GPR176: variants seen among roughly 807,000 people sequenced by gnomAD.
GPR176 encodes G-protein coupled receptor 176.
In GPR176, 26 loss-of-function variants were observed where a neutral mutation model predicts 35.4. The observed-to-expected ratio is 0.74, with a 90% CI of 0.54 to 1.02. The LOEUF (loss-of-function observed/expected upper bound fraction) is 1.02. Ranked by LOEUF, GPR176 falls within the 50% of genes least tolerant of loss-of-function variation. The pLI is 0.00. For synonymous variants in GPR176, 278 were observed against 271.3 expected, an observed-to-expected ratio of 1.02 and a Z score of -0.24; for missense variants, 597 against 665.3, an observed-to-expected ratio of 0.90 and a Z score of 1.13.
At chr15:39,819,333 G>A (rs750843315) in intron 1 of GPR176, among the ~76,000 whole-genome samples, 1 of 152,116 alleles carries the variant, frequency 6.6e-6, no homozygotes, top group Non-Finnish European at 1.5e-5. Context: ...GGCTTCATGG[G>A]TTATTTCTCC....
rs79088776 is a variant in GPR176, at chr15:39,805,772, C to A, written c.425+1234G>T. On this transcript the variant is annotated intron_variant, in intron 2 of 2. Transcript: ENST00000561100. ...AGAAGGGAAGCCTGAGAAAGAGAGG[C>A]AAATATTGGTGCAGCCCATCCTAAC... Among the ~76,000 whole-genome samples the A allele has an allele frequency of 4.3e-4, 65 of 152,282 alleles. No homozygotes were observed. In the East Asian group the frequency reaches 8.9e-3, roughly 21 times the overall value.
At chr15:39,880,381 G>C (rs150254728) in intron 1 of GPR176, among the ~76,000 whole-genome samples, 2 of 152,172 alleles carry the variant, frequency 1.3e-5, no homozygotes, top group East Asian at 3.9e-4. Context: ...TTTATTTACT[G>C]TCTGCTGTCT....
At chr15:39,913,499 C>A (rs1907564) in intron 1 of GPR176, among the ~76,000 whole-genome samples, 25 of 150,968 alleles carry the variant, frequency 1.7e-4, no homozygotes, top group African/African-American at 6.1e-4. Context: ...GAACTGAGAT[C>A]GCACCACTGT....
rs1226278854 is a variant in GPR176 at position 39,799,458 on chromosome 15, G to A, written c.*1674C>T. ...TGAGGAGACCAACACAAAGAGGAAG[G>A]TGCTTCCTCTCCAGGGGTAGGGTCT... is the stretch of plus-strand genomic sequence containing the variant. On this transcript the variant is annotated 3_prime_UTR_variant, in exon 3 of 3. Transcript: ENST00000561100. 6.6e-6 allele frequency: 1 copy of A among 152,236 alleles called. No individual in the cohort carries two copies. The highest frequency in any genetic ancestry group is 1.5e-5 in the Non-Finnish European group (1 of 68,064). 9.4% of individuals were successfully genotyped at this position (152,236 alleles called of 1,614,324 possible).
At chr15:39,880,430 AG>A (rs1207000799) in intron 1 of GPR176, among the ~76,000 whole-genome samples, 1 of 152,182 alleles carries the variant, frequency 6.6e-6, no homozygotes, top group Non-Finnish European at 1.5e-5. Flanking sequence ...GCTTGTTAAA[AG>A]GTCCACTCTA....
Position 39,812,024 on chromosome 15 carries a change from TG to T in GPR176, c.173-4767del, listed in dbSNP as rs1899601541. ...TTTTATAATTCCATTTTATCTCCAC[TG>T]TTGGCTGATTATTTATACTTCTTTT... On this transcript the variant is annotated intron_variant, in intron 1 of 2. Coordinates refer to ENST00000561100, the MANE Select transcript of GPR176 (RefSeq NM_007223.3). 2.0e-5 allele frequency among the ~76,000 whole-genome samples: 3 copies of T among 152,252 alleles called. No homozygotes were observed. In the South Asian group the frequency reaches 6.2e-4, roughly 31 times the overall value.
At chr15:39,862,344 T>C (rs1007229115) in intron 1 of GPR176, 2 of 152,234 alleles carry the variant, frequency 1.3e-5, no homozygotes, top group Non-Finnish European at 2.9e-5. Context: ...AAATAAGTGA[T>C]GATAGTCTCC....
rs775495049 is a variant in GPR176 at position 39,802,143 on chromosome 15, T to G, written c.537A>C (p.Ala179=). The G allele has an allele frequency of 6.2e-7, 1 of 1,614,176 alleles. No individual in the cohort carries two copies. ...HAVVASVPVF[A]VTNVADIYAT... The stretch of plus-strand genomic sequence containing the variant: ...CATAGATGTCAGCCACATTGGTTAC[T>G]GCAAACACAGGGACACTGGCCACCA... The change falls in exon 3 of 3, where the codon GCA becomes GCC. Residue 179 remains alanine (A), a synonymous_variant. Transcript: ENST00000561100.
At chr15:39,864,875 A>G (rs2031762999) in intron 1 of GPR176, among the ~76,000 whole-genome samples, 1 of 151,984 alleles carries the variant, frequency 6.6e-6, no homozygotes, top group African/African-American at 2.4e-5. Context: ...AAAGTGACCA[A>G]AAAGCATGAA....
chr15:39,891,299 AT>A (rs2032862529), intron 1 of GPR176, among the ~76,000 whole-genome samples: 2 of 152,216 alleles, frequency 1.3e-5, no homozygotes, highest in South Asian at 4.1e-4. Context: ...ATACTACTCA[AT>A]TCCAAAGGGC....
chr15:39,873,241 T>C (rs2032115019), intron 1 of GPR176, among the ~76,000 whole-genome samples: 1 of 152,170 alleles, frequency 6.6e-6, no homozygotes, highest in African/African-American at 2.4e-5. Context: ...TAAGCAGCTC[T>C]CCCAAAGTCA....
intron 1 of GPR176, among the ~76,000 whole-genome samples, chr15:39,820,894 G>A (rs771969734): frequency 2.0e-5 from 3 of 152,152 alleles, no homozygotes; most frequent in African/African-American, 4.8e-5. Flanking sequence ...CATGCTAAGC[G>A]CTATTTTGTA....
intron 1 of GPR176, among the ~76,000 whole-genome samples, chr15:39,871,395 A>G (rs2032035639): frequency 6.6e-6 from 1 of 152,234 alleles, no homozygotes; most frequent in South Asian, 2.1e-4. Context: ...GTGGGGACTA[A>G]TAAACCATTC....
intron 1 of GPR176, among the ~76,000 whole-genome samples, chr15:39,867,884 T>A (rs1433412779): frequency 6.6e-6 from 1 of 152,060 alleles, no homozygotes; most frequent in Non-Finnish European, 1.5e-5. Flanking sequence ...TCTGCTCAAG[T>A]ATTTTGGAAT....
At chr15:39,905,342 G>A (rs1176552373) in intron 1 of GPR176, among the ~76,000 whole-genome samples, 2 of 151,904 alleles carry the variant, frequency 1.3e-5, no homozygotes, top group Non-Finnish European at 2.9e-5. Flanking sequence ...TGGGTGCAGT[G>A]GCTCACGCCT....
chr15:39,915,730 T>C lies in GPR176; in HGVS notation c.172+4125A>G, dbSNP rs555099908. Among the ~76,000 whole-genome samples, 13 of 151,814 alleles carry C rather than the reference T, an allele frequency of 8.6e-5. No homozygotes were observed. In the East Asian group the frequency reaches 2.3e-3, roughly 27 times the overall value. On this transcript the variant is annotated intron_variant, in intron 1 of 2. Coordinates refer to ENST00000561100, the MANE Select transcript of GPR176 (RefSeq NM_007223.3). Reference sequence around the variant, plus strand: ...TCTCTACTAAAAATACAAAAAAAAATTAGCTGGGCGTGGTGGCAGGCACCT... The same window carrying C: ...TCTCTACTAAAAATACAAAAAAAAACTAGCTGGGCGTGGTGGCAGGCACCT...
intron 1 of GPR176, chr15:39,813,189 TTAGAG>T (rs556400989): frequency 2.6e-5 from 4 of 152,236 alleles, no homozygotes; most frequent in Non-Finnish European, 5.9e-5. Flanking sequence ...CATTTAACGT[TTAGAG>T]TAATTAAAAA....
chr15:39,896,272 A>G (rs389123), intron 1 of GPR176, among the ~76,000 whole-genome samples: 95 of 148,884 alleles, frequency 6.4e-4, no homozygotes, highest in African/African-American at 2.5e-3. Context: ...TTTCCTAGAC[A>G]GGTCTCACAA....
At chr15:39,889,775 G>A (rs983487402) in intron 1 of GPR176, among the ~76,000 whole-genome samples, 1 of 151,974 alleles carries the variant, frequency 6.6e-6, no homozygotes, top group Non-Finnish European at 1.5e-5. Flanking sequence ...TATATCCCTA[G>A]TACCTAGAGC....
Sources: gnomAD v4.1 joint callset for allele counts (sites outside exome capture counted in the v4.1 genomes callset) on GRCh38, gnomAD v4.1.1 for gene constraint, MANE v1.5 for transcripts, NCBI Gene and HGNC (gene_info 2026-07-23, HGNC 2026-07-21) for gene names.